NEBL: variants seen among roughly 807,000 people sequenced by gnomAD.
NEBL encodes LIM and SH3 protein 2.
In NEBL, 122 loss-of-function variants were observed where a neutral mutation model predicts 140.2. That is an observed-to-expected ratio of 0.87 (90% CI 0.75 to 1.01). The LOEUF (loss-of-function observed/expected upper bound fraction) is 1.01. Ranked by LOEUF, NEBL falls within the 50% of genes least tolerant of loss-of-function variation. The probability of loss-of-function intolerance (pLI) is 0.00; values close to 1 mark genes in which losing one functional copy is unlikely to be tolerated. For synonymous variants in NEBL, 436 were observed against 398.9 expected (o/e 1.09, Z -1.11); for missense variants, 1,365 against 1,231.3 (o/e 1.11, Z -1.62).
chr10:20,789,986 A>G (rs1835814424), intron 26 of NEBL, among the ~76,000 whole-genome samples: 1 of 151,030 alleles, frequency 6.6e-6, no homozygotes, highest in Non-Finnish European at 1.5e-5. Context: ...CACACATACA[A>G]GTTATATTTA....
intron 7 of NEBL, among the ~76,000 whole-genome samples, chr10:20,866,842 T>C (rs1035019500): frequency 2.6e-5 from 4 of 152,190 alleles, no homozygotes; most frequent in Admixed American, 2.6e-4. Flanking sequence ...TGATTGGCCA[T>C]TTATGTTTGC....
At chr10:20,941,765 A>G (rs1834883016) in intron 4 of NEBL, among the ~76,000 whole-genome samples, 1 of 152,144 alleles carries the variant, frequency 6.6e-6, no homozygotes, top group African/African-American at 2.4e-5. Flanking sequence ...TCAATGTGCA[A>G]AAATCACAAG....
At chr10:21,102,722 A>G (rs1837530327) in intron 2 of NEBL, among the ~76,000 whole-genome samples, 1 of 152,218 alleles carries the variant, frequency 6.6e-6, no homozygotes, top group Non-Finnish European at 1.5e-5. Context: ...ACCTGTTGGA[A>G]TTCTGGATTG....
intron 3 of NEBL, among the ~76,000 whole-genome samples, chr10:21,218,535 T>A (rs989053073): frequency 2.6e-5 from 4 of 152,194 alleles, no homozygotes; most frequent in African/African-American, 9.7e-5. Context: ...GTATAATAGA[T>A]GTAAAATAAA....
chr10:21,037,923 C>T (rs1342921515), intron 2 of NEBL, among the ~76,000 whole-genome samples: 1 of 152,118 alleles, frequency 6.6e-6, no homozygotes. Flanking sequence ...TGCATCTTCA[C>T]CTCTGAAGAA....
At chr10:21,062,004 C>T (rs1018490824) in intron 2 of NEBL, among the ~76,000 whole-genome samples, 3 of 152,210 alleles carry the variant, frequency 2.0e-5, no homozygotes, top group Admixed American at 6.5e-5. Context: ...CTGCCCAACA[C>T]GCACAATGCA....
intron 2 of NEBL, among the ~76,000 whole-genome samples, chr10:20,890,947 A>G (rs748139478): frequency 6.6e-6 from 1 of 152,238 alleles, no homozygotes; most frequent in Non-Finnish European, 1.5e-5. Flanking sequence ...AAGACCATAA[A>G]TACTTAAACT....
intron 5 of NEBL, among the ~76,000 whole-genome samples, chr10:20,877,764 C>T (rs1845647913): frequency 2.0e-5 from 3 of 152,140 alleles, no homozygotes; most frequent in South Asian, 2.1e-4. Context: ...TAGAAAGTCA[C>T]GCCTGGTCCA....
In NEBL at chr10:20,965,884, T is replaced by C. The variant is rs555682545; in HGVS notation, c.250-4105A>G. Among the ~76,000 whole-genome samples, 7 of 152,240 alleles carry C rather than the reference T, an allele frequency of 4.6e-5. No individual in the cohort carries two copies. The South Asian group carries it at 1.5e-3, about 32-fold the overall frequency. ...CGTCCCCGAAAGACCCCACCAGGCA[T>C]GTTACACACTGTTGTCAGAACGGAG... is the stretch of plus-strand genomic sequence containing the variant. On this transcript the variant is annotated intron_variant, in intron 3 of 6. Transcript: ENST00000417816.
chr10:20,866,321 C>T (rs887311052), intron 7 of NEBL, among the ~76,000 whole-genome samples: 2 of 151,962 alleles, frequency 1.3e-5, no homozygotes, highest in Admixed American at 6.6e-5. Flanking sequence ...ACATTACAAA[C>T]GCATTTAATG....
At position 20,868,694 on chromosome 10, in the gene NEBL, A is replaced by G. The variant is rs1434233530; in HGVS notation, c.654T>C (p.His218=). The change falls in exon 7 of 28, where the codon CAT becomes CAC. Residue 218 remains histidine (H), a synonymous_variant. Coordinates refer to ENST00000377122, the MANE Select transcript of NEBL (RefSeq NM_006393.3). The part of the protein sequence containing the change: ...PAVIGRPDFE[H]AVEASKLSSQ... ...TAGAAAGTTTAGAAGCTTCCACGGC[A>G]TGTTCAAAATCTGGTCTTCCAATTA... is the stretch of plus-strand genomic sequence containing the variant. 2.5e-6 allele frequency: 4 copies of G among 1,612,322 alleles called. No homozygotes were observed. Among genetic ancestry groups the G allele is most frequent in the Non-Finnish European group, 3.4e-6 (4 of 1,178,456 alleles).
intron 3 of NEBL, among the ~76,000 whole-genome samples, chr10:21,013,071 G>A (rs553993769): frequency 6.6e-6 from 1 of 152,216 alleles, no homozygotes; most frequent in African/African-American, 2.4e-5. Flanking sequence ...TTTATCCAGG[G>A]GTACAATGGG....
At chr10:21,025,493 CTG>C (rs1447256685) in intron 2 of NEBL, among the ~76,000 whole-genome samples, 2 of 152,044 alleles carry the variant, frequency 1.3e-5, no homozygotes, top group African/African-American at 4.8e-5. Flanking sequence ...TTTTTTTTCT[CTG>C]TGAGATTCAG....
At chr10:21,082,602 A>G (rs57356285) in intron 2 of NEBL, among the ~76,000 whole-genome samples, 4,410 of 150,854 alleles carry the variant, frequency 0.029, 92 homozygotes, top group African/African-American at 0.058. Context: ...AAATGGTCCA[A>G]CTCAGCAATG....
At chr10:21,209,340 C>A (rs2132233956) in intron 3 of NEBL, among the ~76,000 whole-genome samples, 1 of 152,306 alleles carries the variant, frequency 6.6e-6, no homozygotes, top group Non-Finnish European at 1.5e-5. Flanking sequence ...TTCAGATAAA[C>A]AACAAATAAT....
intron 1 of NEBL, among the ~76,000 whole-genome samples, chr10:21,270,845 A>G (rs1842852627): frequency 6.6e-6 from 1 of 152,186 alleles, no homozygotes; most frequent in Admixed American, 6.5e-5. Flanking sequence ...TATGTACATT[A>G]AAGAGAACAG....
At chr10:20,859,851 T>G (rs766170861) in intron 7 of NEBL, 25 bp from the exon 8 acceptor site, 1 of 1,104,716 alleles carries the variant, frequency 9.1e-7, no homozygotes. Flanking sequence ...AAATAGTACA[T>G]GTAACTTTAC....
At chr10:20,847,670 G>T (rs1842076456) in intron 11 of NEBL, among the ~76,000 whole-genome samples, 1 of 152,112 alleles carries the variant, frequency 6.6e-6, no homozygotes, top group Non-Finnish European at 1.5e-5. Flanking sequence ...AGGAGGTCCA[G>T]CCTGAAATAC....
rs143459763 is a variant in NEBL at position 20,885,987 on chromosome 10, G to A, written c.369+2110C>T. 2.6e-5 allele frequency among the ~76,000 whole-genome samples: 4 copies of A among 152,268 alleles called. No homozygotes were observed. In the South Asian group the frequency reaches 8.3e-4, roughly 32 times the overall value. ...ATGTGTAATAGTGAAACACTTAAAG[G>A]TGTTCTGCAAAGAATAACTATGCTC... is the stretch of plus-strand genomic sequence containing the variant. On this transcript the variant is annotated intron_variant, in intron 4 of 27. Transcript: ENST00000377122.
Sources: allele counts gnomAD v4.1 joint callset (sites outside exome capture counted in the v4.1 genomes callset), GRCh38; gene constraint gnomAD v4.1.1; transcripts MANE v1.5; gene names NCBI Gene and HGNC (gene_info 2026-07-23, HGNC 2026-07-21).